Variants in BRMS1L observed in about 807,000 individuals in gnomAD.
BRMS1L encodes the protein BRMS1 like transcriptional repressor.
Under a neutral mutation model 50.3 loss-of-function variants are expected in BRMS1L, and 23 were observed. That is an observed-to-expected ratio of 0.46 (90% CI 0.33 to 0.65). The LOEUF is 0.65. Among genes scored for constraint, BRMS1L ranks in the 30% least tolerant of loss-of-function variants. BRMS1L has a pLI of 0.02. For synonymous variants in BRMS1L, 114 were observed against 126.9 expected (o/e 0.90, Z 0.69); for missense variants, 286 against 386.1 (o/e 0.74, Z 2.17).
intron 4 of BRMS1L, among the ~76,000 whole-genome samples, chr14:35,856,868 C>G (rs895904470): frequency 6.6e-6 from 1 of 152,064 alleles, no homozygotes; most frequent in African/African-American, 2.4e-5. Flanking sequence ...ACCGCCCCAG[C>G]CTGGCCTATT....
At chr14:35,834,247 C>T (rs1254405013) in intron 3 of BRMS1L, among the ~76,000 whole-genome samples, 1 of 152,114 alleles carries the variant, frequency 6.6e-6, no homozygotes, top group East Asian at 1.9e-4. Flanking sequence ...TTTGCATGGC[C>T]ATGTTACCTA....
At chr14:35,846,790 T>A (rs1033853953) in intron 4 of BRMS1L, among the ~76,000 whole-genome samples, 1 of 152,200 alleles carries the variant, frequency 6.6e-6, no homozygotes, top group Non-Finnish European at 1.5e-5. Context: ...TGATAAATAT[T>A]TTGAGGAGAA....
intron 4 of BRMS1L, among the ~76,000 whole-genome samples, chr14:35,839,408 A>C (rs957836714): frequency 2.0e-5 from 3 of 152,180 alleles, no homozygotes; most frequent in African/African-American, 7.2e-5. Context: ...CTCTTTGAAG[A>C]AAGTCAATGG....
chr14:35,828,274 G>A (rs1318805482), intron 1 of BRMS1L, among the ~76,000 whole-genome samples: 1 of 151,772 alleles, frequency 6.6e-6, no homozygotes, highest in African/African-American at 2.4e-5. Context: ...CTGGGTTCAA[G>A]CAATTCTCCT....
intron 8 of BRMS1L, among the ~76,000 whole-genome samples, chr14:35,866,738 T>G (rs2078427155): frequency 6.6e-6 from 1 of 152,176 alleles, no homozygotes; most frequent in Non-Finnish European, 1.5e-5. Flanking sequence ...ACCCCATGAT[T>G]CCTTTAAACT....
rs766051846 is a variant in BRMS1L at position 35,826,486 on chromosome 14, C to T, written c.-31C>T. The stretch of plus-strand genomic sequence containing the variant: ...AAGCGGCGGTGGCCGGGCTGGGCGC[C>T]GGTAGTGGAAAGCGACGGCGCGGCT... On this transcript the variant is annotated 5_prime_UTR_variant, in exon 1 of 10. Coordinates refer to ENST00000216807, the MANE Select transcript of BRMS1L (RefSeq NM_032352.4). 13 of 1,560,050 alleles carry T rather than the reference C, an allele frequency of 8.3e-6. No individual in the cohort carries two copies. Among genetic ancestry groups the T allele is most frequent in the Non-Finnish European group, 1.1e-5 (13 of 1,152,204 alleles).
intron 5 of BRMS1L, among the ~76,000 whole-genome samples, chr14:35,863,432 G>A (rs560425629): frequency 1.3e-5 from 2 of 152,268 alleles, no homozygotes; most frequent in African/African-American, 4.8e-5. Flanking sequence ...GGGTAGGCAT[G>A]GTGGAGTCAG....
chr14:35,839,781 TGGG>T (rs932291252), intron 4 of BRMS1L, among the ~76,000 whole-genome samples: 3 of 152,246 alleles, frequency 2.0e-5, no homozygotes, highest in Non-Finnish European at 4.4e-5. Context: ...GCTGAGACGA[TGGG>T]GTTATCTAAA....
intron 4 of BRMS1L, among the ~76,000 whole-genome samples, chr14:35,856,639 T>C (rs998920486): frequency 1.4e-4 from 21 of 150,846 alleles, no homozygotes; most frequent in Non-Finnish European, 1.9e-4. Flanking sequence ...TGAGACAGAG[T>C]CTTGTTCTGT....
Position 35,862,591 on chromosome 14 carries a change from G to A in BRMS1L, c.443G>A (p.Ser148Asn). Residue 148 changes from serine to asparagine, a missense_variant and splice_region_variant, in exon 5 of 10, where the codon AGC (serine) becomes AAC (asparagine). Physicochemically the swap from Ser to Asn is conservative, Grantham distance 46 (BLOSUM62 1). This residue lies in a region of BRMS1L where 160 missense variants were observed against 240.6 expected (regional missense o/e 0.66). Coordinates refer to ENST00000216807, the MANE Select transcript of BRMS1L (RefSeq NM_032352.4). ...AGTATAATCTGTTTTTCTCCCCAGA[G>A]CGAAAAGCTGTTGCTATATGATACA... is the stretch of plus-strand genomic sequence containing the variant. ...EIQASRQHCESEKLLLYDTVQ... is the reference protein window; with the variant it reads ...EIQASRQHCENEKLLLYDTVQ... 1 of 1,574,972 alleles carries A rather than the reference G, an allele frequency of 6.3e-7. No individual in the cohort carries two copies. Among genetic ancestry groups the A allele is most frequent in the Non-Finnish European group, 8.6e-7 (1 of 1,160,772 alleles).
intron 9 of BRMS1L, among the ~76,000 whole-genome samples, chr14:35,870,103 G>C (rs1357466250): frequency 6.6e-6 from 1 of 150,748 alleles, no homozygotes; most frequent in South Asian, 2.1e-4. Context: ...GGAGTAGGAA[G>C]AATGTGCTTT....
intron 6 of BRMS1L, among the ~76,000 whole-genome samples, chr14:35,864,530 A>G (rs938856674): frequency 2.0e-5 from 3 of 152,194 alleles, no homozygotes; most frequent in Non-Finnish European, 4.4e-5. Flanking sequence ...CTAGGATTGC[A>G]GGCATGAGCC....
intron 4 of BRMS1L, 53 bp downstream of exon 4, chr14:35,834,976 C>G: frequency 7.2e-7 from 1 of 1,395,208 alleles, no homozygotes; most frequent in Non-Finnish European, 9.8e-7. Context: ...CAAGCCTTTT[C>G]TGAGTGTAGT....
chr14:35,853,473 G>T (rs984076905), intron 4 of BRMS1L, among the ~76,000 whole-genome samples: 17 of 151,980 alleles, frequency 1.1e-4, no homozygotes, highest in African/African-American at 2.7e-4. Flanking sequence ...GAGTGCAGTG[G>T]TGTGATCGTG....
At position 35,826,611 on chromosome 14, in the gene BRMS1L, A is replaced by G; in HGVS notation, c.95A>G (p.Asp32Gly). The G allele has an allele frequency of 1.2e-6, 2 of 1,612,372 alleles. No individual in the cohort carries two copies. Among genetic ancestry groups the G allele is most frequent in the South Asian group, 2.2e-5 (2 of 90,438 alleles). ...YAENEGSSSE[D>G]EDTESSSVSE... Reference sequence around the variant, plus strand: ...GAAAATGAGGGGAGCAGCTCCGAGGACGAGGACACTGAGAGCTCGTCGGTC... The same window carrying G: ...GAAAATGAGGGGAGCAGCTCCGAGGGCGAGGACACTGAGAGCTCGTCGGTC... The change falls in exon 1 of 10, where the codon GAC becomes GGC. Residue 32 changes from aspartate (D) to glycine (G), a missense_variant. Physicochemically the swap from Asp to Gly is moderately conservative, Grantham distance 94 (BLOSUM62 -1). This residue lies in a region of BRMS1L where 66 missense variants were observed against 67.8 expected (regional missense o/e 0.97). Coordinates refer to ENST00000216807, the MANE Select transcript of BRMS1L (RefSeq NM_032352.4).
chr14:35,838,231 C>G (rs370096529), intron 4 of BRMS1L, among the ~76,000 whole-genome samples: 1 of 152,184 alleles, frequency 6.6e-6, no homozygotes, highest in African/African-American at 2.4e-5. Flanking sequence ...GCATAGTATT[C>G]CATGGTGTAT....
chr14:35,833,630 A>C (rs1004275150), intron 3 of BRMS1L, among the ~76,000 whole-genome samples: 6 of 152,278 alleles, frequency 3.9e-5, no homozygotes, highest in Non-Finnish European at 8.8e-5. Flanking sequence ...ACAAAGATGC[A>C]CTATATTTGT....
At chr14:35,844,951 G>C (rs1298618435) in intron 4 of BRMS1L, among the ~76,000 whole-genome samples, 1 of 151,952 alleles carries the variant, frequency 6.6e-6, no homozygotes, top group Non-Finnish European at 1.5e-5. Flanking sequence ...CCTGATTATA[G>C]CTCACTGCAG....
chr14:35,850,102 G>A (rs550034331), intron 4 of BRMS1L, among the ~76,000 whole-genome samples: 40 of 152,162 alleles, frequency 2.6e-4, no homozygotes, highest in African/African-American at 8.7e-4. Flanking sequence ...GATTACAGGC[G>A]TGAGCCACTG....
Sources: allele counts gnomAD v4.1 joint callset (sites outside exome capture counted in the v4.1 genomes callset), GRCh38; gene constraint gnomAD v4.1.1; regional missense constraint gnomAD v4.1.1; transcripts MANE v1.5; gene names NCBI Gene and HGNC (gene_info 2026-07-23, HGNC 2026-07-21).